The following HHAT variants were observed in gnomAD, a reference collection of about 807,000 sequenced individuals.
HHAT encodes the protein hedgehog acyltransferase.
Under a neutral mutation model 70.8 loss-of-function variants are expected in HHAT, and 47 were observed. The observed-to-expected ratio is 0.66, with a 90% CI of 0.53 to 0.85. HHAT has a LOEUF of 0.85. HHAT is among the 40% of genes least tolerant of loss of function. The pLI is 0.00. For synonymous variants in HHAT, 228 were observed against 247.6 expected, an observed-to-expected ratio of 0.92 and a Z score of 0.74; for missense variants, 609 against 604.8, an observed-to-expected ratio of 1.01 and a Z score of -0.07.
chr1:210,646,993 T>C (rs879305289), intron 11 of HHAT, among the ~76,000 whole-genome samples: 3 of 152,228 alleles, frequency 2.0e-5, no homozygotes, highest in Non-Finnish European at 4.4e-5. Flanking sequence ...GGATGATTTC[T>C]TCCCACTGTA....
At chr1:210,540,338 A>C (rs1360281792) in intron 9 of HHAT, among the ~76,000 whole-genome samples, 1 of 152,178 alleles carries the variant, frequency 6.6e-6, no homozygotes, top group East Asian at 1.9e-4. Flanking sequence ...CAATGTAGCA[A>C]ATATGAACAT....
chr1:210,424,926 TG>T (rs2093017332), intron 7 of HHAT, among the ~76,000 whole-genome samples: 1 of 152,200 alleles, frequency 6.6e-6, no homozygotes, highest in South Asian at 2.1e-4. Flanking sequence ...ATTGCCACAC[TG>T]TCTTCTATAA....
At chr1:210,612,388 A>T (rs1666782406) in intron 10 of HHAT, among the ~76,000 whole-genome samples, 1 of 152,308 alleles carries the variant, frequency 6.6e-6, no homozygotes, top group Middle Eastern at 3.4e-3. Flanking sequence ...TATCTTATAT[A>T]AATGCAACCA....
chr1:210,590,182 CT>C, intron 10 of HHAT: 1 of 152,264 alleles, frequency 6.6e-6, no homozygotes, highest in Non-Finnish European at 1.5e-5. Flanking sequence ...GACATAGAAT[CT>C]TCCTCCAGTA....
At chr1:210,337,850 A>ATCTT (rs34578811) in intron 1 of HHAT, among the ~76,000 whole-genome samples, 114,730 of 151,876 alleles carry the variant, frequency 0.76, 44,508 homozygotes, top group African/African-American at 0.94. Context: ...CACAGAGGGG[A>ATCTT]TCTATTTTGT....
intron 9 of HHAT, among the ~76,000 whole-genome samples, chr1:210,549,421 C>T (rs2095510557): frequency 6.7e-6 from 1 of 148,448 alleles, no homozygotes; most frequent in Admixed American, 6.9e-5. Flanking sequence ...CCATGGTTCT[C>T]TGAAGTCTAG....
intron 4 of HHAT, among the ~76,000 whole-genome samples, chr1:210,393,719 T>G (rs749825924): frequency 6.6e-6 from 1 of 152,148 alleles, no homozygotes; most frequent in Non-Finnish European, 1.5e-5. Context: ...TTCCTTTGCA[T>G]TTTTCTTGGA....
In HHAT at chr1:210,628,535, T is replaced by A. The variant is rs4504959; in HGVS notation, c.1390+4865T>A. 2.6e-5 allele frequency among the ~76,000 whole-genome samples: 4 copies of A among 152,132 alleles called. No individual in the cohort carries two copies. In the East Asian group the frequency reaches 5.8e-4, roughly 22 times the overall value. On this transcript the variant is annotated intron_variant, in intron 11 of 11. Coordinates refer to ENST00000261458, the MANE Select transcript of HHAT (RefSeq NM_018194.6). ...ATGTTTGTTTTTCCTTCTATTATCC[T>A]ATCTATTTTGGCAAGCTCTGCCTTA... is the stretch of plus-strand genomic sequence containing the variant.
chr1:210,573,162 C>A (rs1206515121), intron 9 of HHAT, among the ~76,000 whole-genome samples: 1 of 152,150 alleles, frequency 6.6e-6, no homozygotes, highest in Non-Finnish European at 1.5e-5. Flanking sequence ...GTTCCGAGAC[C>A]TTTATAGACC....
chr1:210,589,717 A>G (rs755285705), intron 10 of HHAT: 5 of 152,240 alleles, frequency 3.3e-5, no homozygotes, highest in Non-Finnish European at 7.3e-5. Flanking sequence ...CAACTGTGCC[A>G]TGTAGCCTGT....
intron 4 of HHAT, 25 bp from the exon 5 acceptor site, chr1:210,400,443 T>G: frequency 6.3e-7 from 1 of 1,576,532 alleles, no homozygotes; most frequent in Non-Finnish European, 8.6e-7. Context: ...CCTGTCTCTC[T>G]CTGGATGGGC....
intron 11 of HHAT, among the ~76,000 whole-genome samples, chr1:210,642,394 TC>T (rs756051286): frequency 3.3e-5 from 5 of 152,182 alleles, no homozygotes; most frequent in Non-Finnish European, 5.9e-5. Context: ...AATTGCTGGG[TC>T]TTATAATATG....
At chr1:210,464,777 A>C in intron 8 of HHAT, 122 bp downstream of exon 8, 2 of 971,552 alleles carry the variant, frequency 2.1e-6, no homozygotes, top group South Asian at 3.3e-5. Context: ...TGCATTTGGC[A>C]TCCATTTCTT....
intron 11 of HHAT, among the ~76,000 whole-genome samples, chr1:210,663,064 T>C (rs974099218): frequency 1.3e-5 from 2 of 152,086 alleles, no homozygotes; most frequent in Admixed American, 6.5e-5. Context: ...CATATAATTG[T>C]GGCTTTAACA....
At chr1:210,556,617 A>G (rs1195057787) in intron 9 of HHAT, among the ~76,000 whole-genome samples, 1 of 152,180 alleles carries the variant, frequency 6.6e-6, no homozygotes, top group African/African-American at 2.4e-5. Context: ...AGTGGCCTCC[A>G]AGAGGGGAGC....
chr1:210,428,320 ATATATATATATATATATATATATAT>A (rs1558497746), intron 7 of HHAT, among the ~76,000 whole-genome samples: 8 of 39,724 alleles, frequency 2.0e-4, no homozygotes, highest in Admixed American at 1.1e-3. Context: ...ATATATATAT[ATATATATATATATATATATATATAT>A]AATTTTGTAG....
intron 8 of HHAT, among the ~76,000 whole-genome samples, chr1:210,493,204 C>A (rs2148518404): frequency 6.6e-6 from 1 of 152,068 alleles, no homozygotes; most frequent in South Asian, 2.1e-4. Context: ...TCAAGATTTT[C>A]CAGAGAAACA....
At chr1:210,634,825 G>A (rs528896287) in intron 11 of HHAT, among the ~76,000 whole-genome samples, 47 of 152,252 alleles carry the variant, frequency 3.1e-4, no homozygotes, top group African/African-American at 1.1e-3. Flanking sequence ...TATCAGCCAG[G>A]GCTTTACTAA....
In HHAT at chr1:210,432,418, A is replaced by T. The variant is rs113801360; in HGVS notation, c.856+14093A>T. Among the ~76,000 whole-genome samples the T allele has an allele frequency of 1.8e-3, 272 of 152,092 alleles. 8 individuals carry two copies. The highest frequency in any genetic ancestry group is 6.4e-3 in the African/African-American group (266 of 41,320). On this transcript the variant is annotated intron_variant, in intron 7 of 11. Transcript: ENST00000261458. ...AGAAAGCTCAATTTATCAGAGGTTG[A>T]AAAGAGGCTGCGTAAGAGGGGATTT...
Sources: gnomAD v4.1 joint callset for allele counts (sites outside exome capture counted in the v4.1 genomes callset) on GRCh38, gnomAD v4.1.1 for gene constraint, MANE v1.5 for transcripts, NCBI Gene and HGNC (gene_info 2026-07-23, HGNC 2026-07-21) for gene names.